The following DOCK1 variants were observed in gnomAD, a reference collection of about 807,000 sequenced individuals.
DOCK1 encodes the protein dedicator of cytokinesis 1.
Under a neutral mutation model 262.7 loss-of-function variants are expected in DOCK1, and 138 were observed. The observed-to-expected ratio is 0.53, with a 90% CI of 0.46 to 0.61. The LOEUF is 0.61. Ranked by LOEUF, DOCK1 falls within the 20% of genes least tolerant of loss-of-function variation. The pLI, the probability that DOCK1 is intolerant of heterozygous loss-of-function variation, is 0.00. For missense variants in DOCK1, 1,908 were observed against 2,370.7 expected (o/e 0.80, Z 4.05); for synonymous variants, 866 against 867.4 (o/e 1.00, Z 0.03).
intron 50 of DOCK1, 32 bp from the exon 51 acceptor site, chr10:127,447,361 CG>C: frequency 6.3e-7 from 1 of 1,598,922 alleles, no homozygotes; most frequent in South Asian, 1.1e-5. Flanking sequence ...GTGGGGAAGT[CG>C]GGCTGATTTT....
At chr10:127,080,066 T>G (rs897388781) in intron 23 of DOCK1, among the ~76,000 whole-genome samples, 22 of 152,320 alleles carry the variant, frequency 1.4e-4, no homozygotes, top group African/African-American at 5.1e-4. Context: ...GGGCTGCCAT[T>G]CACCTCTTAC....
At chr10:127,283,691 ATGTT>A (rs2061045609) in intron 29 of DOCK1, among the ~76,000 whole-genome samples, 1 of 152,150 alleles carries the variant, frequency 6.6e-6, no homozygotes, top group Non-Finnish European at 1.5e-5. Context: ...GCATTTTTCC[ATGTT>A]ACTCCAGCAT....
At chr10:126,973,039 T>G (rs148897410) in intron 2 of DOCK1, among the ~76,000 whole-genome samples, 134 of 151,034 alleles carry the variant, frequency 8.9e-4, no homozygotes, top group Non-Finnish European at 1.4e-3. Flanking sequence ...CTCAGACACT[T>G]TTCTGATTTG....
intron 23 of DOCK1, among the ~76,000 whole-genome samples, chr10:127,066,979 G>A (rs1399763152): frequency 6.6e-6 from 1 of 152,248 alleles, no homozygotes; most frequent in East Asian, 1.9e-4. Flanking sequence ...ATCCCGTGGT[G>A]TTTGGAAACA....
chr10:127,329,224 T>C (rs1397068014), intron 29 of DOCK1, among the ~76,000 whole-genome samples: 2 of 152,142 alleles, frequency 1.3e-5, no homozygotes, highest in Non-Finnish European at 2.9e-5. Flanking sequence ...CAGGACAACC[T>C]GTCCTGTGCC....
At chr10:127,095,661 C>CTGTG (rs61224822) in intron 23 of DOCK1, among the ~76,000 whole-genome samples, 5,894 of 147,896 alleles carry the variant, frequency 0.04, 233 homozygotes, top group East Asian at 0.13. Flanking sequence ...GGCCAGGAAG[C>CTGTG]TGTGTGTGTG....
chr10:127,433,989 C>T (rs2069485110), intron 48 of DOCK1, among the ~76,000 whole-genome samples: 1 of 152,004 alleles, frequency 6.6e-6, no homozygotes, highest in African/African-American at 2.4e-5. Flanking sequence ...GCTGGCCAAG[C>T]ACTTTGTACT....
chr10:127,036,043 T>TAAATAAATAAATAAAA lies in DOCK1; in HGVS notation c.1913-1673_1913-1672insTAAATAAATAAAAAAA, dbSNP rs1554870785. Among the ~76,000 whole-genome samples, 409 of 147,626 alleles carry TAAATAAATAAATAAAA rather than the reference T, an allele frequency of 2.8e-3. 4 individuals are homozygous for TAAATAAATAAATAAAA. Among genetic ancestry groups the TAAATAAATAAATAAAA allele is most frequent in the East Asian group, 0.016 (80 of 4,922 alleles). On this transcript the variant is annotated intron_variant, in intron 18 of 51. Coordinates refer to ENST00000623213, the MANE Select transcript of DOCK1 (RefSeq NM_001290223.2). ...ATAAATAAATAAATAAATAAATAAA[T>TAAATAAATAAATAAAA]AAAAAAGAGTAGAGTGCTCAATTCG...
At chr10:127,033,450 T>A (rs901576253) in intron 18 of DOCK1, among the ~76,000 whole-genome samples, 2 of 152,212 alleles carry the variant, frequency 1.3e-5, no homozygotes, top group Non-Finnish European at 2.9e-5. Flanking sequence ...TTGCTGTCAC[T>A]CCGTCTGGAA....
At chr10:126,921,826 A>G (rs918423559) in intron 1 of DOCK1, among the ~76,000 whole-genome samples, 2 of 151,874 alleles carry the variant, frequency 1.3e-5, no homozygotes, top group African/African-American at 4.8e-5. Flanking sequence ...TAATTTTTGT[A>G]TTTTTAGTAG....
chr10:127,026,108 C>T, intron 15 of DOCK1: 1 of 469,596 alleles, frequency 2.1e-6, no homozygotes, highest in South Asian at 2.4e-5. Flanking sequence ...ATGGTCAGAG[C>T]ATTCAGAAAA....
intron 23 of DOCK1, among the ~76,000 whole-genome samples, chr10:127,078,542 G>A (rs144498825): frequency 3.9e-5 from 6 of 152,200 alleles, no homozygotes; most frequent in East Asian, 1.9e-4. Flanking sequence ...CTGTGTATGC[G>A]CAATGTATTT....
At chr10:127,284,134 C>T (rs554532297) in intron 29 of DOCK1, among the ~76,000 whole-genome samples, 1 of 152,128 alleles carries the variant, frequency 6.6e-6, no homozygotes, top group African/African-American at 2.4e-5. Context: ...CTATTTACAT[C>T]CTTTGCTCAT....
At chr10:127,110,512 G>T (rs1195749360) in intron 25 of DOCK1, among the ~76,000 whole-genome samples, 158 bp downstream of exon 25, 1 of 152,108 alleles carries the variant, frequency 6.6e-6, no homozygotes, top group Non-Finnish European at 1.5e-5. Flanking sequence ...ACAAGAGAAG[G>T]GTAATTGACA....
intron 38 of DOCK1, among the ~76,000 whole-genome samples, chr10:127,397,001 GCGACTCCTA>G (rs2066903108): frequency 7.6e-6 from 1 of 131,944 alleles, no homozygotes; most frequent in Non-Finnish European, 1.6e-5. Context: ...TACACGGGCA[GCGACTCCTA>G]TGTGATCTGA....
At chr10:126,906,840 A>G (rs2030953904) in intron 1 of DOCK1, among the ~76,000 whole-genome samples, 1 of 152,160 alleles carries the variant, frequency 6.6e-6, no homozygotes, top group African/African-American at 2.4e-5. Context: ...AGCCAGCTGG[A>G]CAGTGGTCAC....
chr10:126,916,852 C>T (rs1267695882), intron 1 of DOCK1, among the ~76,000 whole-genome samples: 1 of 152,034 alleles, frequency 6.6e-6, no homozygotes, highest in Non-Finnish European at 1.5e-5. Context: ...ATCTGAAACT[C>T]TCGAGGCCAG....
At chr10:126,909,455 G>A (rs571564356) in intron 1 of DOCK1, among the ~76,000 whole-genome samples, 2 of 152,246 alleles carry the variant, frequency 1.3e-5, no homozygotes, top group East Asian at 1.9e-4. Context: ...AATTTGTTAC[G>A]GCAGCAGTGG....
chr10:127,042,764 T>C lies in DOCK1; in HGVS notation c.2100+50T>C. On this transcript the variant is annotated intron_variant, in intron 20 of 51. Coordinates refer to ENST00000623213, the MANE Select transcript of DOCK1 (RefSeq NM_001290223.2). ...GCTTGGATAACACAGCGTTCTTCCA[T>C]GCTGCAGCGTCTGAGGCTGGAGTCG... The C allele has an allele frequency of 1.9e-6, 3 of 1,579,972 alleles. No homozygotes were observed. In the East Asian group the frequency reaches 6.7e-5, roughly 35 times the overall value.
Sources: gnomAD v4.1 joint callset for allele counts (sites outside exome capture counted in the v4.1 genomes callset) on GRCh38, gnomAD v4.1.1 for gene constraint, MANE v1.5 for transcripts, NCBI Gene and HGNC (gene_info 2026-07-23, HGNC 2026-07-21) for gene names.